Variants in EPHA6 observed in about 807,000 individuals in gnomAD.
EPHA6 encodes EPH receptor A6.
EPHA6 carries 50 observed loss-of-function variants against 112.0 expected under a neutral mutation model. The ratio of observed to expected loss-of-function variants is 0.45; its 90% CI spans 0.36 to 0.56. The LOEUF is 0.56. EPHA6 is among the 20% of genes least tolerant of loss of function. EPHA6 has a pLI of 0.00. For missense variants in EPHA6, 1,280 were observed against 1,417.4 expected, an observed-to-expected ratio of 0.90 and a Z score of 1.56; for synonymous variants, 529 against 490.7, an observed-to-expected ratio of 1.08 and a Z score of -1.03.
At chr3:97,631,510 AGT>A (rs1037241303) in intron 13 of EPHA6, among the ~76,000 whole-genome samples, 4 of 152,024 alleles carry the variant, frequency 2.6e-5, no homozygotes, top group Non-Finnish European at 4.4e-5. Context: ...TTGAAAGGCT[AGT>A]GTCATTTCTT....
At chr3:97,068,373 A>G (rs990372017) in intron 3 of EPHA6, among the ~76,000 whole-genome samples, 5 of 152,158 alleles carry the variant, frequency 3.3e-5, no homozygotes, top group South Asian at 4.1e-4. Flanking sequence ...GGTGTTTGGT[A>G]TGAAAGGAAA....
chr3:97,084,138 G>GCACACA (rs373106924), intron 3 of EPHA6, among the ~76,000 whole-genome samples: 136 of 119,548 alleles, frequency 1.1e-3, no homozygotes, highest in African/African-American at 4.0e-3. Flanking sequence ...ATATATCCAT[G>GCACACA]CACACACACA....
At chr3:97,403,618 G>T (rs150647461) in intron 5 of EPHA6, among the ~76,000 whole-genome samples, 18,321 of 151,942 alleles carry the variant, frequency 0.12, 3,536 homozygotes, top group African/African-American at 0.4. Flanking sequence ...GGCTAATTTT[G>T]TGTATTTTTA....
At chr3:97,474,064 C>T (rs2107456048) in intron 7 of EPHA6, among the ~76,000 whole-genome samples, 1 of 151,810 alleles carries the variant, frequency 6.6e-6, no homozygotes, top group East Asian at 1.9e-4. Context: ...ACTGACTTGA[C>T]AATAGTGTTG....
chr3:97,532,241 A>T (rs1253542734), intron 10 of EPHA6, 117 bp from the exon 11 acceptor site: 22 of 835,338 alleles, frequency 2.6e-5, no homozygotes, highest in Non-Finnish European at 3.8e-5. Flanking sequence ...GTTTATATGA[A>T]AATAACATAC....
At chr3:97,454,544 T>C (rs1307126734) in intron 7 of EPHA6, among the ~76,000 whole-genome samples, 1 of 151,846 alleles carries the variant, frequency 6.6e-6, no homozygotes, top group Non-Finnish European at 1.5e-5. Flanking sequence ...CAATATTGCT[T>C]GCTTTATTTT....
At chr3:97,060,150 A>C (rs2045973947) in intron 3 of EPHA6, among the ~76,000 whole-genome samples, 1 of 152,106 alleles carries the variant, frequency 6.6e-6, no homozygotes, top group African/African-American at 2.4e-5. Flanking sequence ...CAAAACAAAC[A>C]AAAAGCTTAA....
At chr3:97,458,530 G>A (rs1048863671) in intron 7 of EPHA6, among the ~76,000 whole-genome samples, 1 of 151,884 alleles carries the variant, frequency 6.6e-6, no homozygotes, top group Non-Finnish European at 1.5e-5. Context: ...TTTATCACAC[G>A]TAAGTGTGTG....
chr3:96,904,049 C>T (rs4295182), intron 2 of EPHA6, among the ~76,000 whole-genome samples: 10,519 of 152,038 alleles, frequency 0.069, 722 homozygotes, highest in Admixed American at 0.21. Context: ...GTCAGTGTGG[C>T]GATTCCTCAG....
intron 1 of EPHA6, among the ~76,000 whole-genome samples, chr3:96,841,783 A>C (rs1403281399): frequency 6.6e-6 from 1 of 152,148 alleles, no homozygotes; most frequent in Non-Finnish European, 1.5e-5. Flanking sequence ...TATACATAAA[A>C]ATTTTTATCT....
intron 3 of EPHA6, among the ~76,000 whole-genome samples, chr3:97,033,002 G>A (rs2044930801): frequency 1.3e-5 from 2 of 151,462 alleles, no homozygotes. Context: ...GGGAATCAGA[G>A]TCACATTAAC....
intron 1 of EPHA6, among the ~76,000 whole-genome samples, chr3:96,817,435 T>G (rs2107197774): frequency 6.6e-6 from 1 of 151,876 alleles, no homozygotes; most frequent in East Asian, 1.9e-4. Context: ...ATTATAGAAT[T>G]ATCATATGTA....
At chr3:97,290,782 T>C (rs1319574425) in intron 5 of EPHA6, among the ~76,000 whole-genome samples, 1 of 152,126 alleles carries the variant, frequency 6.6e-6, no homozygotes, top group Non-Finnish European at 1.5e-5. Flanking sequence ...TTAGTTAGTC[T>C]AGGTAGTGGT....
intron 10 of EPHA6, among the ~76,000 whole-genome samples, chr3:97,504,404 T>C (rs977168583): frequency 6.6e-6 from 1 of 152,242 alleles, no homozygotes; most frequent in Non-Finnish European, 1.5e-5. Flanking sequence ...AAGAAAATGA[T>C]GAGGCCTAGC....
intron 13 of EPHA6, among the ~76,000 whole-genome samples, chr3:97,614,506 T>TTTA (rs1553837368): frequency 8.5e-6 from 1 of 117,048 alleles, no homozygotes; most frequent in Non-Finnish European, 1.6e-5. Context: ...AGCTAATTTT[T>TTTA]TTTTTTTTTT....
rs192072891 is a variant in EPHA6 at position 97,124,179 on chromosome 3, T to C, written c.1115-102085T>C. ...CCTTATATGTATATGCTGAAGTCTG[T>C]TTCTTTTTTGACCCCATATAGTTTA... On this transcript the variant is annotated intron_variant, in intron 3 of 17. Coordinates refer to ENST00000389672, the MANE Select transcript of EPHA6 (RefSeq NM_001080448.3). 1.7e-3 allele frequency among the ~76,000 whole-genome samples: 259 copies of C among 152,108 alleles called. 1 individual carries two copies. The highest frequency in any genetic ancestry group is 2.4e-3 in the Non-Finnish European group (161 of 67,954).
At chr3:97,543,177 T>C (rs544428435) in intron 11 of EPHA6, among the ~76,000 whole-genome samples, 1 of 152,352 alleles carries the variant, frequency 6.6e-6, no homozygotes, top group East Asian at 1.9e-4. Context: ...CCCATGCCTA[T>C]GTCCTGAATG....
At chr3:96,917,755 A>T (rs1000488633) in intron 2 of EPHA6, among the ~76,000 whole-genome samples, 1 of 152,192 alleles carries the variant, frequency 6.6e-6, no homozygotes, top group Non-Finnish European at 1.5e-5. Context: ...AGGGAAAAAA[A>T]AAATGTCTCA....
chr3:96,887,820 A>G (rs562900821), intron 2 of EPHA6, among the ~76,000 whole-genome samples: 3 of 151,960 alleles, frequency 2.0e-5, no homozygotes, highest in Non-Finnish European at 4.4e-5. Context: ...TTGTTTACCT[A>G]TGAGGATCAT....
Sources: allele counts gnomAD v4.1 joint callset (sites outside exome capture counted in the v4.1 genomes callset), GRCh38; gene constraint gnomAD v4.1.1; transcripts MANE v1.5; gene names NCBI Gene and HGNC (gene_info 2026-07-23, HGNC 2026-07-21).